The following CMTM6 variants were observed in gnomAD, a reference collection of about 807,000 sequenced individuals.
CMTM6 encodes CKLF like MARVEL transmembrane domain containing 6, also known as CKLF-like MARVEL transmembrane domain-containing protein 6.
Under a neutral mutation model 13.6 loss-of-function variants are expected in CMTM6, and 5 were observed. The observed-to-expected ratio is 0.37, with a 90% CI of 0.19 to 0.77. The LOEUF (loss-of-function observed/expected upper bound fraction) is 0.77. Among genes scored for constraint, CMTM6 ranks in the 30% least tolerant of loss-of-function variants. The pLI is 0.50. For missense variants in CMTM6, 196 were observed against 218.6 expected (o/e 0.90, Z 0.65); for synonymous variants, 99 against 84.5 (o/e 1.17, Z -0.94).
chr3:32,486,415 T>TAC (rs10663325), intron 3 of CMTM6, among the ~76,000 whole-genome samples: 88,413 of 151,878 alleles, frequency 0.58, 26,698 homozygotes, highest in African/African-American at 0.75. Flanking sequence ...TAAGACTACT[T>TAC]AGTCTTTTCT....
Position 32,502,688 on chromosome 3 carries a change from C to A in CMTM6, c.58G>T (p.Gly20Cys), listed in dbSNP as rs1384536533. 30 of 1,587,348 alleles carry A rather than the reference C, an allele frequency of 1.9e-5. No individual in the cohort carries two copies. The highest frequency in any genetic ancestry group is 2.6e-5 in the Non-Finnish European group (30 of 1,169,132). ...TTEEDPGPAR[G>C]PRSGLAAYFF... The stretch of plus-strand genomic sequence containing the variant: ...TAGGCAGCGAGGCCGCTCCGGGGGC[C>A]TCTGGCGGGGCCCGGGTCCTCCTCC... The change falls in exon 1 of 4, where the codon GGC becomes TGC. Residue 20 changes from glycine to cysteine, a missense_variant. Coordinates refer to ENST00000205636, the MANE Select transcript of CMTM6 (RefSeq NM_017801.3).
intron 1 of CMTM6, among the ~76,000 whole-genome samples, chr3:32,494,211 G>A (rs1203276717): frequency 2.0e-5 from 3 of 152,126 alleles, no homozygotes; most frequent in Admixed American, 6.5e-5. Flanking sequence ...ATTTTGCTTG[G>A]GCAGTTTGTG....
intron 3 of CMTM6, among the ~76,000 whole-genome samples, chr3:32,485,920 T>TAA (rs1185611673): frequency 6.6e-6 from 1 of 152,214 alleles, no homozygotes; most frequent in Non-Finnish European, 1.5e-5. Context: ...CTCTGTCACT[T>TAA]ACACTGGAGT....
rs1009419139 is a variant in CMTM6, at chr3:32,502,829, G to A, written c.-84C>T. 3.7e-6 allele frequency: 5 copies of A among 1,348,870 alleles called. No homozygotes were observed. Among genetic ancestry groups the A allele is most frequent in the South Asian group, 3.3e-5 (2 of 59,946 alleles). The allele number at this position is 1,348,870 out of a possible 1,614,324, so 83.6% of individuals were successfully genotyped here. The stretch of plus-strand genomic sequence containing the variant: ...CAGAAGTCCCCGGTAGCCGGGAGGC[G>A]GCCGTCACTTCCTGGGCCTTCTCCC... On this transcript the variant is annotated 5_prime_UTR_variant, in exon 1 of 4. Coordinates refer to ENST00000205636, the MANE Select transcript of CMTM6 (RefSeq NM_017801.3).
intron 1 of CMTM6, among the ~76,000 whole-genome samples, 171 bp from the exon 2 acceptor site, chr3:32,492,057 G>A (rs1697254144): frequency 6.6e-6 from 1 of 152,178 alleles, no homozygotes; most frequent in Non-Finnish European, 1.5e-5. Context: ...TGGCCGCCTT[G>A]AAGGAAATAC....
chr3:32,482,656 T>C lies in CMTM6; in HGVS notation c.*1304A>G, dbSNP rs1697165483. On this transcript the variant is annotated 3_prime_UTR_variant, in exon 4 of 4. Transcript: ENST00000205636. ...TGGTTATGAAGTTATCTCTTGAGAA[T>C]GGCTTGATTCTCTTATGCCACCAAC... 6.6e-6 allele frequency: 1 copy of C among 151,738 alleles called. No individual in the cohort carries two copies. The highest frequency in any genetic ancestry group is 1.5e-5 in the Non-Finnish European group (1 of 67,966). 9.4% of individuals were successfully genotyped at this position (151,738 alleles called of 1,614,324 possible). A position where few individuals can be genotyped will look rare whatever the true frequency, so the allele number is the denominator to read the frequency against.
rs1235302801 is a variant in CMTM6, at chr3:32,487,973, T to C, written c.379A>G (p.Thr127Ala). 1 of 1,613,870 alleles carries C rather than the reference T, an allele frequency of 6.2e-7. No homozygotes were observed. Among genetic ancestry groups the C allele is most frequent in the Non-Finnish European group, 8.5e-7 (1 of 1,179,850 alleles). Residue 127 changes from threonine (T) to alanine (A), a missense_variant, in exon 3 of 4, where the codon ACA (threonine) becomes GCA (alanine). Coordinates refer to ENST00000205636, the MANE Select transcript of CMTM6 (RefSeq NM_017801.3). ...FLLASIIFVS[T>A]HDRTSAEIAA... ...ATCTCAGCTGAAGTCCTGTCATGTG[T>C]GGAAACAAAAATGATGGATGCCAAC...
At position 32,502,543 on chromosome 3, in the gene CMTM6, CCTCCCAAGCCCGGGCCAGACCCCG is replaced by C; in HGVS notation, c.138+41_138+64del. 5 of 1,536,340 alleles carry C rather than the reference CCTCCCAAGCCCGGGCCAGACCCCG, an allele frequency of 3.3e-6. No individual in the cohort carries two copies. The Admixed American group carries it at 6.1e-5, about 19-fold the overall frequency. ...AAGCTGAAACGAAGGAGCTCGGCGG[CCTCCCAAGCCCGGGCCAGACCCCG>C]CTCCCCAGCCCGGGCTCGCCCTCCC... On this transcript the variant is annotated intron_variant, in intron 1 of 3. Transcript: ENST00000205636.
chr3:32,489,466 C>T (rs1697232869), intron 2 of CMTM6, among the ~76,000 whole-genome samples: 1 of 151,738 alleles, frequency 6.6e-6, no homozygotes, highest in African/African-American at 2.4e-5. Context: ...CCATGGCCAA[C>T]ATGGTGAAAC....
At chr3:32,497,695 C>A (rs1191735557) in intron 1 of CMTM6, among the ~76,000 whole-genome samples, 8 of 150,212 alleles carry the variant, frequency 5.3e-5, no homozygotes, top group South Asian at 2.1e-4. Context: ...CCGTCTCTAT[C>A]AAAAATACAA....
chr3:32,491,893 A>T lies in CMTM6; in HGVS notation c.139-7T>A. 1 of 1,597,550 alleles carries T rather than the reference A, an allele frequency of 6.3e-7. No homozygotes were observed. The highest frequency in any genetic ancestry group is 8.5e-7 in the Non-Finnish European group (1 of 1,173,898). ...AGGCCAGCAGAGACAGCAACTACAAATGAAGCAAAACATTTTACTTAAGTG... is the reference window on the plus strand; with the variant it reads ...AGGCCAGCAGAGACAGCAACTACAATTGAAGCAAAACATTTTACTTAAGTG... On this transcript the variant is annotated splice_region_variant and splice_polypyrimidine_tract_variant and intron_variant, in intron 1 of 3. Coordinates refer to ENST00000205636, the MANE Select transcript of CMTM6 (RefSeq NM_017801.3).
chr3:32,502,720 G>C lies in CMTM6; in HGVS notation c.26C>G (p.Pro9Arg). The C allele has an allele frequency of 1.3e-6, 2 of 1,573,462 alleles. No homozygotes were observed. The highest frequency in any genetic ancestry group is 8.6e-7 in the Non-Finnish European group (1 of 1,163,696). Residue 9 changes from proline to arginine, a missense_variant, in exon 1 of 4, where the codon CCC (proline) becomes CGC (arginine). Pro to Arg is a moderately radical substitution (Grantham distance 103, BLOSUM62 -2). Transcript: ENST00000205636. ...GGGGCCCGGGTCCTCCTCCGTAGTG[G>C]GGCTGTACACCGCTCCGTTCTCCAT... MENGAVYS[P>R]TTEEDPGPAR...
At chr3:32,498,829 C>A (rs567409749) in intron 1 of CMTM6, among the ~76,000 whole-genome samples, 1 of 151,950 alleles carries the variant, frequency 6.6e-6, no homozygotes, top group South Asian at 2.1e-4. Flanking sequence ...CCGCTCACCT[C>A]GGCCTCCCAA....
At chr3:32,493,321 G>C (rs546445585) in intron 1 of CMTM6, among the ~76,000 whole-genome samples, 25 of 152,296 alleles carry the variant, frequency 1.6e-4, no homozygotes, top group African/African-American at 6.0e-4. Context: ...TGGTTAAATT[G>C]GCAACTCAAT....
intron 2 of CMTM6, among the ~76,000 whole-genome samples, chr3:32,491,199 TA>T (rs1252309852): frequency 6.6e-6 from 1 of 152,244 alleles, no homozygotes; most frequent in Non-Finnish European, 1.5e-5. Context: ...CAACTTTTCA[TA>T]ATACCATTAA....
intron 3 of CMTM6, among the ~76,000 whole-genome samples, chr3:32,485,971 C>T (rs888039979): frequency 6.6e-6 from 1 of 152,128 alleles, no homozygotes; most frequent in Non-Finnish European, 1.5e-5. Flanking sequence ...TCCGCCTCCT[C>T]GGTTCAAGCG....
Position 32,483,978 on chromosome 3 carries a change from A to G in CMTM6, c.534T>C (p.Thr178=). 6.2e-7 allele frequency: 1 copy of G among 1,606,988 alleles called. No individual in the cohort carries two copies. The change falls in exon 4 of 4, where the codon ACT becomes ACC. Residue 178 remains threonine, a synonymous_variant. Transcript: ENST00000205636. ...AGAGTCTTTAGGCATTAAGTGGCTCAGTGAGGGCTTCAGCCCTAGTGGTAT... is the reference window on the plus strand; with the variant it reads ...AGAGTCTTTAGGCATTAAGTGGCTCGGTGAGGGCTTCAGCCCTAGTGGTAT... The part of the protein sequence containing the change: ...PENTTRAEAL[T]EPLNA
At chr3:32,487,372 A>G (rs1034501694) in intron 3 of CMTM6, among the ~76,000 whole-genome samples, 2 of 149,972 alleles carry the variant, frequency 1.3e-5, no homozygotes, top group Non-Finnish European at 3.0e-5. Flanking sequence ...TTTTCTTCTT[A>G]TAGAGATGAG....
At chr3:32,492,474 G>A (rs552937912) in intron 1 of CMTM6, among the ~76,000 whole-genome samples, 12 of 152,284 alleles carry the variant, frequency 7.9e-5, no homozygotes, top group East Asian at 5.8e-4. Context: ...AAATGTCCTC[G>A]TTAATTAAGA....
Sources: gnomAD v4.1 joint callset for allele counts (sites outside exome capture counted in the v4.1 genomes callset) on GRCh38, gnomAD v4.1.1 for gene constraint, MANE v1.5 for transcripts, NCBI Gene and HGNC (gene_info 2026-07-23, HGNC 2026-07-21) for gene names.